BOC: variants seen among roughly 807,000 people sequenced by gnomAD.
BOC encodes BOC cell adhesion associated, oncogene regulated.
Under a neutral mutation model 112.0 loss-of-function variants are expected in BOC, and 76 were observed. The ratio of observed to expected loss-of-function variants is 0.68; its 90% CI spans 0.56 to 0.82. The LOEUF (loss-of-function observed/expected upper bound fraction) is 0.82, where lower values mean the gene tolerates loss of function less well. Ranked by LOEUF, BOC falls within the 40% of genes least tolerant of loss-of-function variation. BOC has a pLI of 0.00. For missense variants in BOC, 1,309 were observed against 1,511.7 expected, an observed-to-expected ratio of 0.87 and a Z score of 2.22; for synonymous variants, 580 against 599.8, an observed-to-expected ratio of 0.97 and a Z score of 0.48.
chr3:113,222,576 C>T (rs1308454531), intron 2 of BOC, among the ~76,000 whole-genome samples: 1 of 152,176 alleles, frequency 6.6e-6, no homozygotes, highest in Non-Finnish European at 1.5e-5. Flanking sequence ...CGTGGGTGTA[C>T]CGGTTGCTCC....
In BOC at chr3:113,249,728, G is replaced by T. The variant is rs374681652; in HGVS notation, c.-75G>T. Reference sequence around the variant, plus strand: ...CCTTTCTCTCTTACAACAGAGTGTTGCCAGGGACGGCAGTATCTCTTTGTG... The same window carrying T: ...CCTTTCTCTCTTACAACAGAGTGTTTCCAGGGACGGCAGTATCTCTTTGTG... On this transcript the variant is annotated 5_prime_UTR_variant, in exon 3 of 20. Transcript: ENST00000682979. The T allele has an allele frequency of 5.6e-6, 7 of 1,251,510 alleles. No individual in the cohort carries two copies. Among genetic ancestry groups the T allele is most frequent in the South Asian group, 4.1e-5 (3 of 73,674 alleles). The allele number at this position is 1,251,510 out of a possible 1,614,324, so 77.5% of individuals were successfully genotyped here. A position where few individuals can be genotyped will look rare whatever the true frequency, so the allele number is the denominator to read the frequency against.
chr3:113,260,685 AACAG>A (rs1946733113), intron 4 of BOC, among the ~76,000 whole-genome samples: 1 of 134,642 alleles, frequency 7.4e-6, no homozygotes, highest in African/African-American at 3.2e-5. Flanking sequence ...AACAGAACAG[AACAG>A]AACAGAACAG....
chr3:113,283,607 CT>C lies in BOC; in HGVS notation c.2633del (p.Leu878CysfsTer60), dbSNP rs1353254726. 2.5e-6 allele frequency: 4 copies of C among 1,613,706 alleles called. No homozygotes were observed. Among genetic ancestry groups the C allele is most frequent in the Non-Finnish European group, 3.4e-6 (4 of 1,179,922 alleles). ...TCATCGTCACCTTCATCCCCTTCTG[CT>C]TGTGGAGGGCCTGGTCTAAGCAAAG... ...LIIVTFIPFC[L>X]WRAWSKQKHT... On this transcript the variant is annotated frameshift_variant, in exon 16 of 20. Transcript: ENST00000682979. LOFTEE classifies it high-confidence loss of function.
At chr3:113,242,581 C>G (rs1944442096) in intron 2 of BOC, among the ~76,000 whole-genome samples, 1 of 151,972 alleles carries the variant, frequency 6.6e-6, no homozygotes, top group Non-Finnish European at 1.5e-5. Flanking sequence ...TTCTGCTTGC[C>G]TTGATGGTGA....
At chr3:113,256,769 GTA>G (rs926012816) in intron 4 of BOC, among the ~76,000 whole-genome samples, 6 of 151,170 alleles carry the variant, frequency 4.0e-5, no homozygotes, top group South Asian at 4.2e-4. Flanking sequence ...GTGTGTGTGT[GTA>G]TATATATATG....
chr3:113,286,964 G>A lies in BOC; in HGVS notation c.*102G>A, dbSNP rs1046511504. Reference sequence around the variant, plus strand: ...AATTGGTATTTATTTTTCTATTATAGCCATATTTATATATTTATGCACTTG... The same window carrying A: ...AATTGGTATTTATTTTTCTATTATAACCATATTTATATATTTATGCACTTG... On this transcript the variant is annotated 3_prime_UTR_variant, in exon 20 of 20. Coordinates refer to ENST00000682979, the MANE Select transcript of BOC (RefSeq NM_001378074.1). 1.7e-6 allele frequency: 2 copies of A among 1,153,402 alleles called. No homozygotes were observed. The highest frequency in any genetic ancestry group is 3.2e-5 in the African/African-American group (2 of 63,032). The allele number at this position is 1,153,402 out of a possible 1,614,324, so 71.4% of individuals were successfully genotyped here. A position where few individuals can be genotyped will look rare whatever the true frequency, so the allele number is the denominator to read the frequency against.
rs1048100213 is a variant in BOC, at chr3:113,279,620, C to T, written c.2023+165C>T. 1.5e-5 allele frequency: 12 copies of T among 820,500 alleles called. No homozygotes were observed. The African/African-American group carries it at 2.1e-4, about 14-fold the overall frequency. 50.8% of individuals were successfully genotyped at this position (820,500 alleles called of 1,614,324 possible). On this transcript the variant is annotated intron_variant, in intron 12 of 19. Transcript: ENST00000682979. ...GTGTTTACCACAGTCCTAAAGCCTT[C>T]TGCCTCCCTCCAGAAGAGCATCCAG...
In BOC at chr3:113,274,566, A is replaced by G; in HGVS notation, c.1426A>G (p.Ile476Val). ...GCAGGGGGCTCCCGCCGAGGCTCCC[A>G]TCATCCTCAGCTCGCCCCGCACCTC... ...KGQGAPAEAP[I>V]ILSSPRTSKT... is the part of the protein sequence containing the mutation. The change falls in exon 9 of 20, where the codon ATC (isoleucine) becomes GTC (valine). Residue 476 changes from isoleucine to valine, a missense_variant. Physicochemically the swap from Ile to Val is conservative, Grantham distance 29 (BLOSUM62 3). Coordinates refer to ENST00000682979, the MANE Select transcript of BOC (RefSeq NM_001378074.1). This position sits in a 1 kb window ranked among gnomAD's most constrained non-coding sequence, Gnocchi z 4.8. The G allele has an allele frequency of 6.2e-7, 1 of 1,613,560 alleles. No individual in the cohort carries two copies. The highest frequency in any genetic ancestry group is 8.5e-7 in the Non-Finnish European group (1 of 1,179,950).
intron 1 of BOC, among the ~76,000 whole-genome samples, chr3:113,215,903 T>C (rs1309925757): frequency 6.6e-6 from 1 of 152,226 alleles, no homozygotes; most frequent in Non-Finnish European, 1.5e-5. Context: ...TCTTAAGAAA[T>C]AGTTGATGAC....
Position 113,281,080 on chromosome 3 carries a change from C to A in BOC, c.2361C>A (p.Tyr787Ter), listed in dbSNP as rs201443082. 1 of 1,613,996 alleles carries A rather than the reference C, an allele frequency of 6.2e-7. No homozygotes were observed. The highest frequency in any genetic ancestry group is 8.5e-7 in the Non-Finnish European group (1 of 1,180,026). Residue 787 changes from tyrosine (Y) to a stop codon, truncating the protein, a stop_gained, in exon 15 of 20, where the codon TAC becomes TAA. Coordinates refer to ENST00000682979, the MANE Select transcript of BOC (RefSeq NM_001378074.1). LOFTEE classifies it high-confidence loss of function. ...SISHLQPETS[Y>*]DIKMQCFNEG... ...GCCACCTGCAGCCAGAGACCTCCTA[C>A]GACATTAAGATGCAGTGCTTCAATG... is the stretch of plus-strand genomic sequence containing the variant.
intron 2 of BOC, among the ~76,000 whole-genome samples, chr3:113,221,297 GC>G (rs1940595138): frequency 6.6e-6 from 1 of 152,210 alleles, no homozygotes; most frequent in South Asian, 2.1e-4. Context: ...AGAAGGATGA[GC>G]AGGTGGGAGA....
chr3:113,278,669 C>A lies in BOC; in HGVS notation c.1706-4C>A, dbSNP rs1227473118. 1 of 1,557,230 alleles carries A rather than the reference C, an allele frequency of 6.4e-7. No homozygotes were observed. Among genetic ancestry groups the A allele is most frequent in the Non-Finnish European group, 8.7e-7 (1 of 1,149,966 alleles). On this transcript the variant is annotated splice_region_variant and splice_polypyrimidine_tract_variant and intron_variant, in intron 10 of 19. Transcript: ENST00000682979. This position sits in a 1 kb window ranked among gnomAD's most constrained non-coding sequence, Gnocchi z 4.2. ...CTTGCTGACTACAACCCATTTCCAC[C>A]CAGGACGGCGGCCCAAACCCGAGAT...
In BOC at chr3:113,244,610, T is replaced by C. The variant is rs556617263; in HGVS notation, c.-81-5112T>C. Among the ~76,000 whole-genome samples, 9 of 152,342 alleles carry C rather than the reference T, an allele frequency of 5.9e-5. No homozygotes were observed. The South Asian group carries it at 1.9e-3, about 32-fold the overall frequency. ...AGTGTCTTAGTCACATTAGCCACAT[T>C]TTGAGAACTTCATAGCCCTGAGTGG... On this transcript the variant is annotated intron_variant, in intron 2 of 19. Transcript: ENST00000682979.
At chr3:113,218,923 G>A (rs1170109386) in intron 2 of BOC, among the ~76,000 whole-genome samples, 4 of 152,230 alleles carry the variant, frequency 2.6e-5, no homozygotes. Flanking sequence ...CCTCCCCAAA[G>A]AGGAACAACA....
rs1274334431 is a variant in BOC at position 113,273,275 on chromosome 3, C to A, written c.1168C>A (p.Gln390Lys). 6.2e-7 allele frequency: 1 copy of A among 1,609,424 alleles called. No individual in the cohort carries two copies. The highest frequency in any genetic ancestry group is 8.5e-7 in the Non-Finnish European group (1 of 1,176,876). The change falls in exon 8 of 20, where the codon CAG (glutamine) becomes AAG (lysine). Residue 390 changes from glutamine to lysine, a missense_variant. Coordinates refer to ENST00000682979, the MANE Select transcript of BOC (RefSeq NM_001378074.1). ...SMGPEDEGVYQCMAENEVGSA... is the reference protein window; with the variant it reads ...SMGPEDEGVYKCMAENEVGSA... Reference sequence around the variant, plus strand: ...GGGGCCTGAGGACGAAGGCGTCTACCAGTGCATGGCCGAGAACGAGGTTGG... The same window carrying A: ...GGGGCCTGAGGACGAAGGCGTCTACAAGTGCATGGCCGAGAACGAGGTTGG...
chr3:113,272,623 C>T lies in BOC; in HGVS notation c.881C>T (p.Ser294Leu). Reference sequence around the variant, plus strand: ...ATCGACACCACCAGCGAGGAGGACTCAGGCACCTACCGCTGCATGGCCGAC... The same window carrying T: ...ATCGACACCACCAGCGAGGAGGACTTAGGCACCTACCGCTGCATGGCCGAC... ...LLIDTTSEED[S>L]GTYRCMADNG... Residue 294 changes from serine (S) to leucine (L), a missense_variant, in exon 7 of 20, where the codon TCA becomes TTA. Transcript: ENST00000682979. 1.2e-6 allele frequency: 2 copies of T among 1,614,080 alleles called. No individual in the cohort carries two copies. Among genetic ancestry groups the T allele is most frequent in the Non-Finnish European group, 1.7e-6 (2 of 1,180,008 alleles).
intron 4 of BOC, among the ~76,000 whole-genome samples, chr3:113,257,645 T>C (rs1333989547): frequency 7.0e-6 from 1 of 143,344 alleles, no homozygotes; most frequent in Non-Finnish European, 1.5e-5. Context: ...AGAACTCAAT[T>C]AATAAAATAA....
At chr3:113,230,317 G>A (rs892686239) in intron 2 of BOC, among the ~76,000 whole-genome samples, 1 of 152,176 alleles carries the variant, frequency 6.6e-6, no homozygotes, top group Non-Finnish European at 1.5e-5. Flanking sequence ...GTGAGAATCT[G>A]CCAAACCAAT....
chr3:113,277,307 G>C (rs1233412024), intron 9 of BOC, among the ~76,000 whole-genome samples: 1 of 152,188 alleles, frequency 6.6e-6, no homozygotes, highest in African/African-American at 2.4e-5. Flanking sequence ...ACCTGAGAGA[G>C]TTTATTTGCC....
Sources: gnomAD v4.1 joint callset for allele counts (sites outside exome capture counted in the v4.1 genomes callset) on GRCh38, gnomAD v4.1.1 for gene constraint, Gnocchi (gnomAD v3.1) non-coding constraint, MANE v1.5 for transcripts, NCBI Gene and HGNC (gene_info 2026-07-23, HGNC 2026-07-21) for gene names.